LRRC4C: variants seen among roughly 807,000 people sequenced by gnomAD.
LRRC4C encodes the protein leucine-rich repeat-containing protein 4C.
Under a neutral mutation model 33.6 loss-of-function variants are expected in LRRC4C, and 5 were observed. The observed-to-expected ratio is 0.15, with a 90% CI of 0.08 to 0.31. The LOEUF is 0.31. Among genes scored for constraint, LRRC4C ranks in the 10% least tolerant of loss-of-function variants. LRRC4C has a pLI of 1.00. For missense variants in LRRC4C, 560 were observed against 796.7 expected (o/e 0.70, Z 3.58); for synonymous variants, 329 against 302.0 (o/e 1.09, Z -0.93).
intron 3 of LRRC4C, among the ~76,000 whole-genome samples, chr11:40,588,730 C>A (rs898501874): frequency 3.3e-4 from 50 of 152,076 alleles, no homozygotes; most frequent in East Asian, 1.7e-3. Flanking sequence ...TCATTTCGTT[C>A]GGTACCCAGT....
chr11:41,025,519 T>TA (rs1277367475), intron 1 of LRRC4C, among the ~76,000 whole-genome samples: 13 of 79,802 alleles, frequency 1.6e-4, no homozygotes, highest in East Asian at 3.2e-4. Flanking sequence ...GGCCTGAAGG[T>TA]AAAAAAAAAG....
At chr11:41,023,641 T>C (rs531462658) in intron 1 of LRRC4C, among the ~76,000 whole-genome samples, 4 of 151,730 alleles carry the variant, frequency 2.6e-5, no homozygotes, top group Non-Finnish European at 5.9e-5. Context: ...TATATTAAAA[T>C]TATGTTTGCA....
chr11:40,859,729 A>T (rs1164796030), intron 2 of LRRC4C, among the ~76,000 whole-genome samples: 1 of 152,316 alleles, frequency 6.6e-6, no homozygotes, highest in South Asian at 2.1e-4. Flanking sequence ...TGATATGTGT[A>T]TACAGTGCAA....
At chr11:40,365,528 A>T (rs1948169153) in intron 3 of LRRC4C, among the ~76,000 whole-genome samples, 3 of 152,020 alleles carry the variant, frequency 2.0e-5, no homozygotes. Flanking sequence ...TTCATGTCAC[A>T]TGAGTTCTAA....
intron 1 of LRRC4C, among the ~76,000 whole-genome samples, chr11:41,395,946 T>C (rs1261109329): frequency 6.6e-6 from 1 of 152,068 alleles, no homozygotes; most frequent in African/African-American, 2.4e-5. Flanking sequence ...ATCAAACTTG[T>C]CCAATCTGCC....
At chr11:41,266,911 T>A (rs910701605) in intron 1 of LRRC4C, among the ~76,000 whole-genome samples, 6 of 152,120 alleles carry the variant, frequency 3.9e-5, no homozygotes, top group African/African-American at 1.4e-4. Context: ...CAAGGAGAAT[T>A]TCACCTCTTG....
At chr11:40,175,922 C>T (rs1468260229) in intron 5 of LRRC4C, among the ~76,000 whole-genome samples, 1 of 152,112 alleles carries the variant, frequency 6.6e-6, no homozygotes, top group East Asian at 1.9e-4. Flanking sequence ...TACTGTGTCC[C>T]ATGCCCTGAA....
chr11:41,160,517 G>A (rs949131767), intron 1 of LRRC4C, among the ~76,000 whole-genome samples: 1 of 151,994 alleles, frequency 6.6e-6, no homozygotes, highest in African/African-American at 2.4e-5. Context: ...CTGAACATGA[G>A]TTGCTGATCT....
At chr11:40,990,490 A>G (rs1853457081) in intron 1 of LRRC4C, among the ~76,000 whole-genome samples, 1 of 151,974 alleles carries the variant, frequency 6.6e-6, no homozygotes, top group Non-Finnish European at 1.5e-5. Context: ...AAGAGTCTGA[A>G]TCCAGACTCT....
intron 4 of LRRC4C, among the ~76,000 whole-genome samples, chr11:40,312,924 C>G (rs1237451846): frequency 6.6e-6 from 1 of 151,478 alleles, no homozygotes; most frequent in Non-Finnish European, 1.5e-5. Context: ...CAGGTGCCCT[C>G]TCTTTTGCAC....
intron 2 of LRRC4C, among the ~76,000 whole-genome samples, chr11:40,917,649 T>C (rs990621090): frequency 3.9e-5 from 6 of 152,138 alleles, no homozygotes; most frequent in African/African-American, 1.2e-4. Context: ...TATGTGATTG[T>C]AAAGTTAGTG....
intron 1 of LRRC4C, among the ~76,000 whole-genome samples, chr11:41,147,850 G>A (rs767897199): frequency 6.6e-6 from 1 of 152,242 alleles, no homozygotes; most frequent in Non-Finnish European, 1.5e-5. Context: ...AATACTTTGG[G>A]AGGCTGAGGC....
chr11:41,279,104 C>T (rs996770389), intron 1 of LRRC4C, among the ~76,000 whole-genome samples: 2 of 152,126 alleles, frequency 1.3e-5, no homozygotes, highest in Admixed American at 1.3e-4. Context: ...ATAATGGCTT[C>T]TAGCTGCATC....
intron 3 of LRRC4C, among the ~76,000 whole-genome samples, chr11:40,565,994 G>A (rs557973478): frequency 6.6e-6 from 1 of 151,350 alleles, no homozygotes; most frequent in African/African-American, 2.4e-5. Context: ...AAGATGCTTG[G>A]CCTATTCTGC....
chr11:40,970,755 G>T (rs980300942), intron 1 of LRRC4C, among the ~76,000 whole-genome samples: 2 of 152,150 alleles, frequency 1.3e-5, no homozygotes, highest in Non-Finnish European at 2.9e-5. Context: ...GATATGGACA[G>T]TGAAGTCTAG....
At chr11:40,789,282 T>C (rs1412081403) in intron 2 of LRRC4C, among the ~76,000 whole-genome samples, 1 of 152,054 alleles carries the variant, frequency 6.6e-6, no homozygotes, top group African/African-American at 2.4e-5. Context: ...ATAAGTATAG[T>C]GTTATTTCAG....
chr11:40,906,563 G>C (rs1956425949), intron 2 of LRRC4C, among the ~76,000 whole-genome samples: 1 of 152,106 alleles, frequency 6.6e-6, no homozygotes, highest in African/African-American at 2.4e-5. Context: ...TATAGTGTAA[G>C]TATAGTGTAA....
At chr11:41,079,554 G>T (rs1450312591) in intron 1 of LRRC4C, among the ~76,000 whole-genome samples, 4 of 151,986 alleles carry the variant, frequency 2.6e-5, no homozygotes, top group Non-Finnish European at 5.9e-5. Context: ...GCAATATCTG[G>T]GTTCGTAAGT....
At chr11:40,829,654 T>A (rs966904571) in intron 2 of LRRC4C, among the ~76,000 whole-genome samples, 3 of 152,040 alleles carry the variant, frequency 2.0e-5, no homozygotes, top group African/African-American at 7.2e-5. Context: ...TCGAGGTCTG[T>A]GCTGTAGAAA....
Sources: allele counts gnomAD v4.1 joint callset (sites outside exome capture counted in the v4.1 genomes callset), GRCh38; gene constraint gnomAD v4.1.1; transcripts MANE v1.5; gene names NCBI Gene and HGNC (gene_info 2026-07-23, HGNC 2026-07-21).